EPB41L1: variants seen among roughly 807,000 people sequenced by gnomAD.
The protein encoded by EPB41L1 is band 4.1-like protein 1.
In EPB41L1, 29 loss-of-function variants were observed where a neutral mutation model predicts 97.8. The observed-to-expected ratio is 0.30, with a 90% confidence interval of 0.22 to 0.40. EPB41L1 has a LOEUF of 0.40. Ranked by LOEUF, EPB41L1 falls within the 10% of genes least tolerant of loss-of-function variation. The pLI is 1.00. For synonymous variants in EPB41L1, 383 were observed against 459.2 expected, an observed-to-expected ratio of 0.83 and a Z score of 2.12; for missense variants, 812 against 1,162.3, an observed-to-expected ratio of 0.70 and a Z score of 4.38.
chr20:36,219,049 G>A (rs1032037832), intron 18 of EPB41L1, 87 bp downstream of exon 18: 26 of 1,405,316 alleles, frequency 1.9e-5, no homozygotes, highest in African/African-American at 7.1e-5. Flanking sequence ...GAAGTGCAGC[G>A]TTGAGCCCAG....
chr20:36,129,929 G>C (rs2059126534), intron 2 of EPB41L1, among the ~76,000 whole-genome samples: 1 of 148,556 alleles, frequency 6.7e-6, no homozygotes, highest in African/African-American at 2.5e-5. Flanking sequence ...GCACCCGGCA[G>C]GTTTGTTTTT....
chr20:36,145,425 A>T (rs992364201), intron 2 of EPB41L1, among the ~76,000 whole-genome samples: 3 of 151,460 alleles, frequency 2.0e-5, no homozygotes, highest in African/African-American at 7.3e-5. Context: ...GAGTTCCCAG[A>T]TATTGCTGGT....
intron 1 of EPB41L1, chr20:36,155,783 C>A: frequency 1.8e-5 from 7 of 386,214 alleles, no homozygotes; most frequent in South Asian, 1.3e-4. Context: ...ACCACGTGTT[C>A]CCACATTCAC....
At chr20:36,138,445 T>C (rs2059503440) in intron 2 of EPB41L1, among the ~76,000 whole-genome samples, 1 of 151,912 alleles carries the variant, frequency 6.6e-6, no homozygotes, top group Non-Finnish European at 1.5e-5. Flanking sequence ...GCATTTTTAG[T>C]AGAGACAGGG....
chr20:36,194,090 G>A (rs2062076028), intron 11 of EPB41L1, 122 bp from the exon 12 acceptor site: 1 of 1,316,148 alleles, frequency 7.6e-7, no homozygotes, highest in Admixed American at 1.9e-5. Context: ...TCTGGGCAAT[G>A]GGTGAGGGGT....
intron 2 of EPB41L1, among the ~76,000 whole-genome samples, chr20:36,137,747 C>T (rs2147803374): frequency 6.6e-6 from 1 of 152,286 alleles, no homozygotes; most frequent in South Asian, 2.1e-4. Context: ...TGGTCACAAA[C>T]TCCTGACCTC....
At chr20:36,146,346 C>T (rs565192686) in intron 2 of EPB41L1, among the ~76,000 whole-genome samples, 1 of 152,348 alleles carries the variant, frequency 6.6e-6, no homozygotes, top group Non-Finnish European at 1.5e-5. Context: ...CCTCAAGCTG[C>T]TCACAGGCTT....
At chr20:36,099,756 G>GT (rs1232043318) in intron 1 of EPB41L1, among the ~76,000 whole-genome samples, 1 of 152,164 alleles carries the variant, frequency 6.6e-6, no homozygotes, top group African/African-American at 2.4e-5. Flanking sequence ...GCTGGTCAGT[G>GT]GTAATTGGAA....
chr20:36,220,093 G>A (rs1237759967), intron 19 of EPB41L1, among the ~76,000 whole-genome samples: 1 of 152,270 alleles, frequency 6.6e-6, no homozygotes, highest in East Asian at 1.9e-4. Flanking sequence ...GTGAACCATG[G>A]CGTGTGCGCC....
chr20:36,131,849 G>C (rs2059222845), intron 2 of EPB41L1, among the ~76,000 whole-genome samples: 3 of 152,126 alleles, frequency 2.0e-5, no homozygotes, highest in African/African-American at 7.2e-5. Flanking sequence ...TGGCGTAGGT[G>C]GCCCTCTGTT....
rs747610829 is a variant in EPB41L1, at chr20:36,188,398, A to G, written c.925A>G (p.Ile309Val). Reference protein sequence around the residue: ...MLGVCANGLLIYRDRLRINRF... With the variant: ...MLGVCANGLLVYRDRLRINRF... Reference sequence around the variant, plus strand: ...AGGCGTTTGTGCCAATGGCCTGCTCATCTACCGGGACCGGCTGAGAATCAA... The same window carrying G: ...AGGCGTTTGTGCCAATGGCCTGCTCGTCTACCGGGACCGGCTGAGAATCAA... The change falls in exon 9 of 22, where the codon ATC becomes GTC. Residue 309 changes from isoleucine (I) to valine (V), a missense_variant. This residue lies in a region of EPB41L1 where 230 missense variants were observed against 445.2 expected (regional missense o/e 0.52). Coordinates refer to ENST00000338074, the MANE Select transcript of EPB41L1 (RefSeq NM_012156.2). The G allele has an allele frequency of 6.2e-7, 1 of 1,613,996 alleles. No individual in the cohort carries two copies. Among genetic ancestry groups the G allele is most frequent in the South Asian group, 1.1e-5 (1 of 91,064 alleles).
intron 2 of EPB41L1, among the ~76,000 whole-genome samples, chr20:36,142,735 C>T (rs561053296): frequency 1.1e-3 from 166 of 152,226 alleles, no homozygotes; most frequent in African/African-American, 3.7e-3. Context: ...CTTACCTGCC[C>T]GGGCTGTGCT....
chr20:36,189,583 C>T (rs1442568377), intron 9 of EPB41L1, among the ~76,000 whole-genome samples: 1 of 152,164 alleles, frequency 6.6e-6, no homozygotes, highest in African/African-American at 2.4e-5. Flanking sequence ...CCTTCCCATT[C>T]TTCAAATGTC....
Position 36,219,760 on chromosome 20 carries a change from G to C in EPB41L1, c.2356-1G>C. 2 of 1,614,146 alleles carry C rather than the reference G, an allele frequency of 1.2e-6. No homozygotes were observed. The highest frequency in any genetic ancestry group is 1.7e-6 in the Non-Finnish European group (2 of 1,180,018). ...GGGTGGGGGGTGGTTATATTCTGCAGATCATCGGGAAAGATGTCCTCACCA... is the reference window on the plus strand; with the variant it reads ...GGGTGGGGGGTGGTTATATTCTGCACATCATCGGGAAAGATGTCCTCACCA... On this transcript the variant is annotated splice_acceptor_variant, in intron 18 of 21. Transcript: ENST00000338074. LOFTEE classifies it high-confidence loss of function.
intron 2 of EPB41L1, among the ~76,000 whole-genome samples, chr20:36,124,199 G>C (rs1382134280): frequency 6.6e-6 from 1 of 152,168 alleles, no homozygotes; most frequent in Admixed American, 6.5e-5. Context: ...AGCTTGCAGT[G>C]AGCCGAGATC....
chr20:36,197,257 T>C (rs1244321119), intron 13 of EPB41L1, among the ~76,000 whole-genome samples: 1 of 152,174 alleles, frequency 6.6e-6, no homozygotes, highest in African/African-American at 2.4e-5. Flanking sequence ...TTGAGGAGGA[T>C]CTGTACTGTG....
At chr20:36,188,024 TTATTTC>T (rs1157372546) in intron 8 of EPB41L1, among the ~76,000 whole-genome samples, 7 of 152,216 alleles carry the variant, frequency 4.6e-5, no homozygotes. Flanking sequence ...AGGCCTTAGT[TTATTTC>T]TATATCCCTA....
At chr20:36,145,235 A>G (rs2059787637) in intron 2 of EPB41L1, among the ~76,000 whole-genome samples, 1 of 151,850 alleles carries the variant, frequency 6.6e-6, no homozygotes, top group Admixed American at 6.6e-5. Context: ...CTAAAAATAC[A>G]AAAAAATTAG....
intron 16 of EPB41L1, among the ~76,000 whole-genome samples, chr20:36,213,675 A>G (rs1014082550): frequency 4.6e-5 from 7 of 152,120 alleles, no homozygotes; most frequent in Non-Finnish European, 8.8e-5. Context: ...CAGCCCAGTA[A>G]CCCTTATTGA....
Sources: allele counts gnomAD v4.1 joint callset (sites outside exome capture counted in the v4.1 genomes callset), GRCh38; gene constraint gnomAD v4.1.1; regional missense constraint gnomAD v4.1.1; transcripts MANE v1.5; gene names NCBI Gene and HGNC (gene_info 2026-07-23, HGNC 2026-07-21).